DCDC2: variants seen among roughly 807,000 people sequenced by gnomAD.
DCDC2 encodes doublecortin domain containing 2, also known as doublecortin domain-containing protein 2.
In DCDC2, 40 loss-of-function variants were observed where a neutral mutation model predicts 50.2. That is an observed-to-expected ratio of 0.80 (90% CI 0.62 to 1.04). The LOEUF (loss-of-function observed/expected upper bound fraction) is 1.04. DCDC2 is among the 50% of genes least tolerant of loss of function. The pLI, the probability that DCDC2 is intolerant of heterozygous loss-of-function variation, is 0.00. For missense variants in DCDC2, 570 were observed against 581.9 expected (o/e 0.98, Z 0.21); for synonymous variants, 234 against 210.6 (o/e 1.11, Z -0.96).
the DCDC2 span, among the ~76,000 whole-genome samples, chr6:24,376,737 CAAAAA>C: frequency 2.2e-3 from 101 of 46,756 alleles, no homozygotes; most frequent in African/African-American, 7.9e-3. Context: ...CAGGTATATG[CAAAAA>C]AAAAAAAAAA....
intron 2 of DCDC2, among the ~76,000 whole-genome samples, chr6:24,307,679 G>A (rs1435732099): frequency 1.3e-5 from 2 of 151,902 alleles, no homozygotes; most frequent in Admixed American, 6.6e-5. Context: ...CACCAGACTA[G>A]AAAACAATTT....
intron 6 of DCDC2, among the ~76,000 whole-genome samples, chr6:24,280,957 T>C (rs1310373549): frequency 6.6e-6 from 1 of 152,096 alleles, no homozygotes; most frequent in African/African-American, 2.4e-5. Context: ...TGGAACCCAA[T>C]GAATGGGAAA....
chr6:24,188,955 T>C (rs1330920649), intron 8 of DCDC2, among the ~76,000 whole-genome samples: 1 of 152,038 alleles, frequency 6.6e-6, no homozygotes, highest in African/African-American at 2.4e-5. Flanking sequence ...ATATGTACGA[T>C]TACAGACAAT....
intron 7 of DCDC2, among the ~76,000 whole-genome samples, chr6:24,257,243 T>C (rs1326767643): frequency 6.6e-6 from 1 of 152,114 alleles, no homozygotes; most frequent in Admixed American, 6.6e-5. Flanking sequence ...TGCCTAACCT[T>C]CAAATAAAAA....
chr6:24,209,210 G>A (rs529635847), intron 7 of DCDC2, among the ~76,000 whole-genome samples: 20 of 152,298 alleles, frequency 1.3e-4, no homozygotes, highest in African/African-American at 3.8e-4. Flanking sequence ...TAGATTCCAT[G>A]AGAAATTTCC....
At chr6:24,255,918 T>C (rs943309946) in intron 7 of DCDC2, among the ~76,000 whole-genome samples, 4 of 152,142 alleles carry the variant, frequency 2.6e-5, no homozygotes, top group African/African-American at 9.7e-5. Flanking sequence ...ATACACATGC[T>C]GACTAGAGGA....
At chr6:24,344,390 A>C (rs1409706915) in intron 2 of DCDC2, among the ~76,000 whole-genome samples, 1 of 152,246 alleles carries the variant, frequency 6.6e-6, no homozygotes, top group East Asian at 1.9e-4. Context: ...ATTCTTTTCT[A>C]AACATTTATT....
At chr6:24,281,790 G>A (rs1763478878) in intron 6 of DCDC2, among the ~76,000 whole-genome samples, 1 of 151,984 alleles carries the variant, frequency 6.6e-6, no homozygotes, top group Non-Finnish European at 1.5e-5. Flanking sequence ...ATCTCATACA[G>A]CTATCCCAGA....
chr6:24,247,668 C>A (rs6923278), intron 7 of DCDC2, among the ~76,000 whole-genome samples: 2 of 152,086 alleles, frequency 1.3e-5, no homozygotes, highest in Non-Finnish European at 2.9e-5. Flanking sequence ...ATCTTTATCA[C>A]GCACATGAAG....
chr6:24,257,760 G>A (rs1406744605), intron 7 of DCDC2, among the ~76,000 whole-genome samples: 4 of 152,062 alleles, frequency 2.6e-5, no homozygotes, highest in Admixed American at 2.6e-4. Flanking sequence ...AAAGTTTTGT[G>A]TTTTTAGAGC....
At chr6:24,356,223 A>T (rs1050794535) in intron 1 of DCDC2, among the ~76,000 whole-genome samples, 3 of 152,246 alleles carry the variant, frequency 2.0e-5, no homozygotes, top group African/African-American at 7.2e-5. Flanking sequence ...AATGTTATTC[A>T]ACAATAAAAA....
intron 9 of DCDC2, among the ~76,000 whole-genome samples, chr6:24,176,560 T>C (rs537192132): frequency 2.6e-5 from 4 of 152,338 alleles, no homozygotes; most frequent in Admixed American, 2.0e-4. Context: ...TATGTATCCA[T>C]TGTGAAATGG....
At chr6:24,271,938 A>C (rs529209268) in intron 7 of DCDC2, among the ~76,000 whole-genome samples, 2 of 152,298 alleles carry the variant, frequency 1.3e-5, no homozygotes, top group South Asian at 4.1e-4. Context: ...AGCGTCTTCA[A>C]ACTCAACCCT....
intron 2 of DCDC2, among the ~76,000 whole-genome samples, chr6:24,331,367 C>T (rs765421260): frequency 4.6e-5 from 7 of 151,398 alleles, no homozygotes; most frequent in African/African-American, 7.3e-5. Context: ...GTAGCACAAT[C>T]ACAGCTCACT....
chr6:24,332,844 G>C (rs950172082), intron 2 of DCDC2, among the ~76,000 whole-genome samples: 1 of 152,148 alleles, frequency 6.6e-6, no homozygotes, highest in African/African-American at 2.4e-5. Flanking sequence ...TGTGTTTGAT[G>C]CTGGGCTGGT....
At chr6:24,299,941 TAAATA>T (rs1759336114) in intron 4 of DCDC2, among the ~76,000 whole-genome samples, 1 of 151,428 alleles carries the variant, frequency 6.6e-6, no homozygotes, top group Admixed American at 6.6e-5. Context: ...AAAATAAAAA[TAAATA>T]AAATACTTTG....
chr6:24,205,243 C>T (rs1176741204), intron 7 of DCDC2, 141 bp from the exon 8 acceptor site: 2 of 1,582,284 alleles, frequency 1.3e-6, no homozygotes, highest in Non-Finnish European at 1.7e-6. Flanking sequence ...GCACCCCCTC[C>T]TCCGACCACC....
At chr6:24,244,998 C>T (rs964328310) in intron 7 of DCDC2, among the ~76,000 whole-genome samples, 1 of 152,094 alleles carries the variant, frequency 6.6e-6, no homozygotes, top group African/African-American at 2.4e-5. Flanking sequence ...AGTTCAAGAC[C>T]AGCCTGACCA....
chr6:24,246,802 C>G (rs914265865), intron 7 of DCDC2, among the ~76,000 whole-genome samples: 1 of 151,858 alleles, frequency 6.6e-6, no homozygotes, highest in African/African-American at 2.4e-5. Flanking sequence ...AATGACATGT[C>G]TTAACTTGGT....
Sources: gnomAD v4.1 joint callset for allele counts (sites outside exome capture counted in the v4.1 genomes callset) on GRCh38, gnomAD v4.1.1 for gene constraint, MANE v1.5 for transcripts, NCBI Gene and HGNC (gene_info 2026-07-23, HGNC 2026-07-21) for gene names.